ODF2: variants seen among roughly 807,000 people sequenced by gnomAD.
ODF2 encodes outer dense fiber protein 2.
ODF2 carries 47 observed loss-of-function variants against 110.2 expected under a neutral mutation model. The ratio of observed to expected loss-of-function variants is 0.43; its 90% CI spans 0.34 to 0.54. The LOEUF (loss-of-function observed/expected upper bound fraction) is 0.54, where lower values mean the gene tolerates loss of function less well. ODF2 is among the 20% of genes least tolerant of loss of function. ODF2 has a pLI of 0.03. For missense variants in ODF2, 812 were observed against 1,054.5 expected, an observed-to-expected ratio of 0.77 and a Z score of 3.19; for synonymous variants, 352 against 397.7, an observed-to-expected ratio of 0.89 and a Z score of 1.37.
At chr9:128,475,760 C>G (rs1035894747) in intron 8 of ODF2, among the ~76,000 whole-genome samples, 2 of 151,996 alleles carry the variant, frequency 1.3e-5, no homozygotes, top group East Asian at 3.9e-4. Context: ...ATTCTCCTGC[C>G]TCAGCCTCCT....
At chr9:128,493,353 C>T (rs1038954832) in intron 16 of ODF2, among the ~76,000 whole-genome samples, 6 of 152,214 alleles carry the variant, frequency 3.9e-5, no homozygotes, top group Middle Eastern at 3.2e-3. Context: ...CCACTACGCT[C>T]TAGCCTGGGC....
intron 14 of ODF2, among the ~76,000 whole-genome samples, chr9:128,489,859 T>C (rs541402715): frequency 6.6e-6 from 1 of 152,308 alleles, no homozygotes; most frequent in African/African-American, 2.4e-5. Flanking sequence ...AATAGTAAAG[T>C]AGTTGAACAA....
At chr9:128,488,148 C>A in intron 14 of ODF2, 123 bp downstream of exon 14, 2 of 1,178,152 alleles carry the variant, frequency 1.7e-6, no homozygotes, top group African/African-American at 1.5e-5. Context: ...CTGGATTTGA[C>A]CAGGCATGGT....
chr9:128,481,722 GAGGTGCT>G, intron 9 of ODF2, 71 bp downstream of exon 9: 6 of 1,253,942 alleles, frequency 4.8e-6, no homozygotes, highest in Non-Finnish European at 6.9e-6. Context: ...ACAAAGTGTA[GAGGTGCT>G]TGGATCAAGG....
intron 4 of ODF2, 138 bp from the exon 5 acceptor site, chr9:128,469,045 A>C: frequency 1.5e-6 from 1 of 687,426 alleles, no homozygotes; most frequent in South Asian, 1.9e-5. Context: ...ACAAGGGTTC[A>C]GAGTATGTTC....
At chr9:128,470,006 AAAAAAAAAAAAAATATATATATATATAT>A (rs1839382020) in intron 5 of ODF2, among the ~76,000 whole-genome samples, 1 of 36,058 alleles carries the variant, frequency 2.8e-5, no homozygotes, top group Non-Finnish European at 5.0e-5. Flanking sequence ...AAAAAAAAAA[AAAAAAAAAAAAAATATATATATATATAT>A]ATATATATAT....
chr9:128,466,593 T>C (rs1182751587), intron 4 of ODF2, among the ~76,000 whole-genome samples: 3 of 151,658 alleles, frequency 2.0e-5, no homozygotes, highest in Non-Finnish European at 4.4e-5. Flanking sequence ...CCCCTGGCTT[T>C]TGTCTATGTC....
At chr9:128,470,249 C>G (rs1839639703) in intron 5 of ODF2, among the ~76,000 whole-genome samples, 1 of 150,876 alleles carries the variant, frequency 6.6e-6, no homozygotes, top group Non-Finnish European at 1.5e-5. Context: ...TATGTCTTCA[C>G]TGCTAACACG....
At chr9:128,470,114 C>G (rs1839605934) in intron 5 of ODF2, among the ~76,000 whole-genome samples, 1 of 142,702 alleles carries the variant, frequency 7.0e-6, no homozygotes, top group East Asian at 2.1e-4. Flanking sequence ...TTGCCGTGCT[C>G]TCTCTTGGGG....
intron 6 of ODF2, 80 bp from the exon 7 acceptor site, chr9:128,472,833 A>T: frequency 6.3e-7 from 1 of 1,595,616 alleles, no homozygotes; most frequent in Non-Finnish European, 8.6e-7. Flanking sequence ...TGAGCCCCCT[A>T]GGGCATTGTG....
At chr9:128,477,248 C>T (rs1408544906) in intron 8 of ODF2, among the ~76,000 whole-genome samples, 3 of 150,644 alleles carry the variant, frequency 2.0e-5, no homozygotes, top group Non-Finnish European at 4.4e-5. Context: ...AAAAAAAAAC[C>T]TGTTAATATA....
chr9:128,498,564 G>A, exon 19 of ODF2: 1 of 1,579,750 alleles, frequency 6.3e-7, no homozygotes, highest in Non-Finnish European at 8.7e-7. Context: ...CATTGAAGAT[G>A]CGAGGAGGCA....
chr9:128,456,831 C>A, intron 1 of ODF2: 1 of 1,306,966 alleles, frequency 7.7e-7, no homozygotes, highest in Non-Finnish European at 9.8e-7. Flanking sequence ...TTTTCCCTCG[C>A]GGCGGGGCGC....
intron 14 of ODF2, among the ~76,000 whole-genome samples, chr9:128,491,393 C>G (rs1403702376): frequency 1.3e-5 from 2 of 151,506 alleles, no homozygotes; most frequent in African/African-American, 4.8e-5. Flanking sequence ...TGTGGTGGCT[C>G]ACGCCTATAA....
At chr9:128,467,515 C>T (rs1838537695) in intron 4 of ODF2, among the ~76,000 whole-genome samples, 2 of 151,882 alleles carry the variant, frequency 1.3e-5, no homozygotes, top group Admixed American at 6.6e-5. Context: ...GAGGCCAAGA[C>T]GGGCTTATCA....
intron 18 of ODF2, 82 bp downstream of exon 18, chr9:128,496,223 CG>C (rs751924957): frequency 1.3e-6 from 2 of 1,593,800 alleles, no homozygotes; most frequent in South Asian, 2.2e-5. Context: ...GCTTAGTGTG[CG>C]GAAGTGTTGA....
chr9:128,498,953 C>A (rs200055962), intron 19 of ODF2, 48 bp from the exon 20 acceptor site: 1 of 1,609,536 alleles, frequency 6.2e-7, no homozygotes, highest in Non-Finnish European at 8.5e-7. Flanking sequence ...GCCAAGTGTT[C>A]CCCATGTCCG....
At chr9:128,484,101 C>A in intron 11 of ODF2, 47 bp downstream of exon 11, 1 of 1,369,324 alleles carries the variant, frequency 7.3e-7, no homozygotes, top group Non-Finnish European at 1.0e-6. Flanking sequence ...AAGGGCCTGC[C>A]AATTTGATGG....
At chr9:128,497,436 AAAAAAAAAAAATATATATATAT>A (rs1222437925) in intron 18 of ODF2, 1,876 of 97,566 alleles carry the variant, frequency 0.019, 157 homozygotes, top group African/African-American at 0.085. Context: ...AAAAAAAAAA[AAAAAAAAAAAATATATATATAT>A]ATATATATAT....
Sources: gnomAD v4.1 joint callset for allele counts (sites outside exome capture counted in the v4.1 genomes callset) on GRCh38, gnomAD v4.1.1 for gene constraint, MANE v1.5 for transcripts, NCBI Gene and HGNC (gene_info 2026-07-23, HGNC 2026-07-21) for gene names.